Variants in CHODL observed in about 807,000 individuals in gnomAD.
CHODL encodes the protein transmembrane protein MT75.
Under a neutral mutation model 34.5 loss-of-function variants are expected in CHODL, and 29 were observed. The ratio of observed to expected loss-of-function variants is 0.84; its 90% CI spans 0.63 to 1.15. The LOEUF (loss-of-function observed/expected upper bound fraction) is 1.15. CHODL is among the 50% of genes most tolerant of loss of function. The probability of loss-of-function intolerance (pLI) is 0.00; values close to 1 mark genes in which losing one functional copy is unlikely to be tolerated. For missense variants in CHODL, 332 were observed against 332.5 expected (o/e 1.00, Z 0.01); for synonymous variants, 125 against 116.1 (o/e 1.08, Z -0.49).
At chr21:18,099,812 G>C (rs1441035843) in intron 2 of CHODL, 1 of 152,052 alleles carries the variant, frequency 6.6e-6, no homozygotes, top group Non-Finnish European at 1.5e-5. Context: ...AAAGTGGGTG[G>C]GTTAACTAAG....
intron 2 of CHODL, among the ~76,000 whole-genome samples, chr21:18,215,648 A>G (rs953248305): frequency 1.3e-5 from 2 of 152,134 alleles, no homozygotes; most frequent in African/African-American, 4.8e-5. Context: ...GCTTGTCCTT[A>G]AGTCATCGAT....
intron 2 of CHODL, among the ~76,000 whole-genome samples, chr21:18,140,537 T>C (rs934391232): frequency 5.3e-5 from 8 of 152,122 alleles, no homozygotes; most frequent in African/African-American, 1.9e-4. Flanking sequence ...CTAGGAAGCA[T>C]GAAAAATGAA....
chr21:18,140,382 A>G (rs983883134), intron 2 of CHODL, among the ~76,000 whole-genome samples: 2 of 152,166 alleles, frequency 1.3e-5, no homozygotes, highest in African/African-American at 4.8e-5. Context: ...ATGTAATTTT[A>G]TATAAGACAA....
intron 2 of CHODL, among the ~76,000 whole-genome samples, chr21:18,234,322 G>T (rs1444676180): frequency 6.6e-6 from 1 of 152,076 alleles, no homozygotes; most frequent in Non-Finnish European, 1.5e-5. Context: ...TTCCTTAGGT[G>T]TGCAGGAAAT....
intron 2 of CHODL, among the ~76,000 whole-genome samples, chr21:18,181,478 C>T (rs1337778811): frequency 6.6e-6 from 1 of 152,214 alleles, no homozygotes; most frequent in Non-Finnish European, 1.5e-5. Flanking sequence ...TCTCGGCTCA[C>T]TGCAAGCTCC....
intron 1 of CHODL, among the ~76,000 whole-genome samples, chr21:18,250,369 A>G (rs1005081825): frequency 2.5e-4 from 38 of 152,142 alleles, no homozygotes; most frequent in African/African-American, 8.7e-4. Context: ...GCATTTTCCA[A>G]CTGGAAAAGT....
chr21:18,208,884 C>A (rs902076705), intron 2 of CHODL, among the ~76,000 whole-genome samples: 3 of 150,008 alleles, frequency 2.0e-5, no homozygotes, highest in Non-Finnish European at 4.4e-5. Context: ...ACCCCCGCCC[C>A]TCTGTGCTGA....
chr21:18,256,482 A>G (rs2074315609), intron 1 of CHODL, 27 bp from the exon 2 acceptor site: 1 of 1,558,380 alleles, frequency 6.4e-7, no homozygotes, highest in Non-Finnish European at 8.7e-7. Flanking sequence ...GATTATCAAT[A>G]TATGGGCATC....
chr21:17,949,453 G>T (rs770888459), intron 1 of CHODL, among the ~76,000 whole-genome samples: 7 of 152,118 alleles, frequency 4.6e-5, no homozygotes, highest in Non-Finnish European at 1.0e-4. Flanking sequence ...CTCAGAAATT[G>T]TTAAAGAAAT....
chr21:18,182,800 G>A (rs1228668948), intron 2 of CHODL, among the ~76,000 whole-genome samples: 1 of 151,946 alleles, frequency 6.6e-6, no homozygotes, highest in Non-Finnish European at 1.5e-5. Context: ...AATACAAGGT[G>A]CAAAAAAAAT....
At chr21:18,117,789 AAATTG>A (rs2146571584) in intron 2 of CHODL, among the ~76,000 whole-genome samples, 2 of 152,244 alleles carry the variant, frequency 1.3e-5, no homozygotes, top group East Asian at 1.9e-4. Context: ...TGTTATTTTA[AAATTG>A]AATTGAATTT....
intron 1 of CHODL, chr21:17,917,428 T>TA (rs2063148753): frequency 1.3e-5 from 2 of 152,148 alleles, no homozygotes; most frequent in South Asian, 4.1e-4. Flanking sequence ...TATTTATATC[T>TA]ATATCCTTAT....
At chr21:17,987,118 G>C (rs958107432) in intron 1 of CHODL, among the ~76,000 whole-genome samples, 1 of 152,106 alleles carries the variant, frequency 6.6e-6, no homozygotes, top group Non-Finnish European at 1.5e-5. Context: ...ACAAGGAATA[G>C]AGAAATAGAT....
intron 2 of CHODL, among the ~76,000 whole-genome samples, chr21:18,216,240 A>C (rs538795878): frequency 6.6e-6 from 1 of 152,250 alleles, no homozygotes; most frequent in South Asian, 2.1e-4. Flanking sequence ...GGGTGATTGG[A>C]ATATCCATTA....
rs187365040 is a variant in CHODL at position 18,256,425 on chromosome 21, A to T, written c.80-84A>T. On this transcript the variant is annotated intron_variant, in intron 1 of 5. Transcript: ENST00000299295. ...TTCTGGTAATGTATTTTCTGCTTTG[A>T]CTGGTTCTTACATTTTGATTCTTAG... The T allele has an allele frequency of 2.8e-4, 351 of 1,252,580 alleles. 1 individual carries two copies. In the African/African-American group the frequency reaches 5.0e-3, roughly 18 times the overall value. The allele number at this position is 1,252,580 out of a possible 1,614,324, so 77.6% of individuals were successfully genotyped here.
At chr21:18,061,548 T>G (rs972118403) in intron 2 of CHODL, among the ~76,000 whole-genome samples, 15 of 116,184 alleles carry the variant, frequency 1.3e-4, no homozygotes, top group Non-Finnish European at 2.4e-4. Context: ...AAATAATGTC[T>G]CAAAGACAAT....
intron 5 of CHODL, among the ~76,000 whole-genome samples, chr21:18,265,155 A>T (rs2074437718): frequency 6.6e-6 from 1 of 151,294 alleles, no homozygotes; most frequent in Non-Finnish European, 1.5e-5. Flanking sequence ...CAATGCGTGG[A>T]TAAAGAATCT....
chr21:18,244,263 A>G (rs1242199955), upstream of CHODL, among the ~76,000 whole-genome samples: 2 of 152,240 alleles, frequency 1.3e-5, no homozygotes, highest in Admixed American at 6.5e-5. Flanking sequence ...AAACACTGAG[A>G]GTGAAATCAG....
intron 1 of CHODL, among the ~76,000 whole-genome samples, chr21:18,005,816 C>G (rs1483197755): frequency 6.6e-6 from 1 of 152,124 alleles, no homozygotes; most frequent in East Asian, 1.9e-4. Context: ...AAACAGCACA[C>G]ACTGGGGCCT....
Sources: gnomAD v4.1 joint callset for allele counts (sites outside exome capture counted in the v4.1 genomes callset) on GRCh38, gnomAD v4.1.1 for gene constraint, MANE v1.5 for transcripts, NCBI Gene and HGNC (gene_info 2026-07-23, HGNC 2026-07-21) for gene names.